TTLL5: variants seen among roughly 807,000 people sequenced by gnomAD.
TTLL5 encodes tubulin polyglutamylase TTLL5.
TTLL5 carries 132 observed loss-of-function variants against 168.4 expected under a neutral mutation model. The observed-to-expected ratio is 0.78, with a 90% CI of 0.68 to 0.91. The LOEUF (loss-of-function observed/expected upper bound fraction) is 0.91. Ranked by LOEUF, TTLL5 falls within the 40% of genes least tolerant of loss-of-function variation. The pLI is 0.00. For missense variants in TTLL5, 1,545 were observed against 1,581.5 expected (o/e 0.98, Z 0.39); for synonymous variants, 546 against 558.6 (o/e 0.98, Z 0.32).
Position 75,779,023 on chromosome 14 carries a change from A to G in TTLL5, c.2388-552A>G, listed in dbSNP as rs893922379. 2.0e-5 allele frequency among the ~76,000 whole-genome samples: 3 copies of G among 152,224 alleles called. No homozygotes were observed. The East Asian group carries it at 5.8e-4, about 29-fold the overall frequency. ...TAGAAGTGAGCTGAACAAACTGTAA[A>G]GGTCCAGATAATAAACATTTCAGAC... On this transcript the variant is annotated intron_variant, in intron 23 of 31. Transcript: ENST00000298832.
rs540547671 is a variant in TTLL5, at chr14:75,771,725, T to C, written c.2016-9T>C. On this transcript the variant is annotated splice_polypyrimidine_tract_variant and intron_variant, in intron 20 of 31. Transcript: ENST00000298832. ...TCACATAACGGTATGTTGTTTTGGA[T>C]TTCTATAGCAAAATGCAGGCCCGAA... The C allele has an allele frequency of 6.2e-7, 1 of 1,613,042 alleles. No homozygotes were observed. The highest frequency in any genetic ancestry group is 2.2e-5 in the East Asian group (1 of 44,828).
At chr14:75,893,592 G>T (rs1250209495) in intron 30 of TTLL5, among the ~76,000 whole-genome samples, 1 of 152,170 alleles carries the variant, frequency 6.6e-6, no homozygotes, top group African/African-American at 2.4e-5. Flanking sequence ...GCCGAGGTGG[G>T]CGGATCACGA....
intron 28 of TTLL5, among the ~76,000 whole-genome samples, chr14:75,827,570 A>G (rs1344944367): frequency 6.6e-6 from 1 of 152,022 alleles, no homozygotes; most frequent in African/African-American, 2.4e-5. Context: ...ATAAGTTACA[A>G]ACTCTCGTCC....
intron 12 of TTLL5, chr14:75,727,775 A>G (rs1484648836): frequency 4.2e-6 from 2 of 474,420 alleles, no homozygotes; most frequent in Middle Eastern, 3.2e-4. Context: ...AGTATATACC[A>G]TATGATTCCA....
chr14:75,915,957 G>A (rs917186162), intron 31 of TTLL5, among the ~76,000 whole-genome samples: 3 of 152,102 alleles, frequency 2.0e-5, no homozygotes, highest in Non-Finnish European at 4.4e-5. Context: ...GTGAAACACC[G>A]TCTCTACAGA....
intron 15 of TTLL5, among the ~76,000 whole-genome samples, chr14:75,736,294 C>T (rs1158911682): frequency 1.3e-5 from 2 of 152,122 alleles, no homozygotes; most frequent in Non-Finnish European, 2.9e-5. Flanking sequence ...TCCCTTCTTC[C>T]ACTCCCATTC....
chr14:75,678,021 C>T (rs1884315406), intron 3 of TTLL5, among the ~76,000 whole-genome samples: 2 of 152,130 alleles, frequency 1.3e-5, no homozygotes, highest in Admixed American at 6.5e-5. Context: ...TGTGGCTGGG[C>T]AGTGAGGGGC....
chr14:75,914,033 A>AAATATATATATATAT, intron 31 of TTLL5, among the ~76,000 whole-genome samples: 1 of 71,116 alleles, frequency 1.4e-5, no homozygotes, highest in African/African-American at 1.6e-4. Flanking sequence ...AAAAAAAAAA[A>AAATATATATATATAT]ATATATATAT....
At chr14:75,849,397 A>G (rs1413447104) in intron 28 of TTLL5, among the ~76,000 whole-genome samples, 1 of 152,196 alleles carries the variant, frequency 6.6e-6, no homozygotes, top group African/African-American at 2.4e-5. Context: ...ATGATGGCTA[A>G]TTTCTGATTT....
chr14:75,775,545 T>C lies in TTLL5; in HGVS notation c.2198T>C (p.Val733Ala). Reference sequence around the variant, plus strand: ...AACCTCCAGCATTCACTGAGGATGGTATTACCCAGTCGACGATTGGCACTT... The same window carrying C: ...AACCTCCAGCATTCACTGAGGATGGCATTACCCAGTCGACGATTGGCACTT... Reference protein sequence around the residue: ...SNNLQHSLRMVLPSRRLALLE... With the variant: ...SNNLQHSLRMALPSRRLALLE... Residue 733 changes from valine to alanine, a missense_variant, in exon 22 of 32, where the codon GTA becomes GCA. Val to Ala is a moderately conservative substitution (Grantham distance 64). Transcript: ENST00000298832. 6.2e-7 allele frequency: 1 copy of C among 1,614,082 alleles called. No homozygotes were observed. Among genetic ancestry groups the C allele is most frequent in the East Asian group, 2.2e-5 (1 of 44,880 alleles).
intron 18 of TTLL5, among the ~76,000 whole-genome samples, chr14:75,762,974 T>A (rs968424150): frequency 5.3e-5 from 8 of 152,154 alleles, no homozygotes; most frequent in Admixed American, 2.0e-4. Context: ...ATTAGGATGA[T>A]CTCAAACATT....
chr14:75,884,940 G>A (rs529614765), intron 30 of TTLL5, among the ~76,000 whole-genome samples: 33 of 151,480 alleles, frequency 2.2e-4, no homozygotes, highest in African/African-American at 6.5e-4. Context: ...GGAGGCAGAG[G>A]TGGGCGGATC....
chr14:75,753,056 ATCTCTGCT>A, intron 18 of TTLL5, 101 bp downstream of exon 18: 1 of 1,168,452 alleles, frequency 8.6e-7, no homozygotes, highest in Admixed American at 2.2e-5. Flanking sequence ...TTTATGTAAA[ATCTCTGCT>A]AGAAAAAAAA....
At chr14:75,791,147 A>G (rs1217553383) in intron 26 of TTLL5, among the ~76,000 whole-genome samples, 4 of 151,018 alleles carry the variant, frequency 2.6e-5, no homozygotes, top group Non-Finnish European at 5.9e-5. Context: ...ATTACTACAT[A>G]AACTTGAAAA....
At chr14:75,878,141 G>C (rs770968424) in intron 29 of TTLL5, among the ~76,000 whole-genome samples, 1 of 151,952 alleles carries the variant, frequency 6.6e-6, no homozygotes, top group African/African-American at 2.4e-5. Flanking sequence ...TCTGCCTTCT[G>C]TTGTTGTATT....
chr14:75,839,420 T>C (rs108264), intron 28 of TTLL5, among the ~76,000 whole-genome samples: 136,956 of 152,236 alleles, frequency 0.9, 61,773 homozygotes, highest in African/African-American at 0.95. Context: ...TTTGTTCTCA[T>C]GCTGCTATGG....
chr14:75,757,771 A>G (rs1247414275), intron 18 of TTLL5: 1 of 1,501,326 alleles, frequency 6.7e-7, no homozygotes, highest in Non-Finnish European at 8.9e-7. Context: ...GTGTGTGTGA[A>G]CTTAAGAGAG....
At chr14:75,812,297 T>G (rs1894092742) in intron 27 of TTLL5, among the ~76,000 whole-genome samples, 1 of 151,970 alleles carries the variant, frequency 6.6e-6, no homozygotes, top group Admixed American at 6.6e-5. Context: ...AAAGCTTAGG[T>G]GGAGGTAGGA....
intron 23 of TTLL5, among the ~76,000 whole-genome samples, chr14:75,777,314 TTGTCCCTGACCTACTCATGG>T (rs1177202183): frequency 6.6e-6 from 1 of 152,200 alleles, no homozygotes; most frequent in Non-Finnish European, 1.5e-5. Flanking sequence ...GGGTCTGAAT[TTGTCCCTGACCTACTCATGG>T]AGTAGAAATG....
Sources: gnomAD v4.1 joint callset for allele counts (sites outside exome capture counted in the v4.1 genomes callset) on GRCh38, gnomAD v4.1.1 for gene constraint, MANE v1.5 for transcripts, NCBI Gene and HGNC (gene_info 2026-07-23, HGNC 2026-07-21) for gene names.